CACNA2D3: variants seen among roughly 807,000 people sequenced by gnomAD.
CACNA2D3 encodes the protein calcium voltage-gated channel auxiliary subunit alpha2delta 3.
In CACNA2D3, 60 loss-of-function variants were observed where a neutral mutation model predicts 160.6. The ratio of observed to expected loss-of-function variants is 0.37; its 90% confidence interval spans 0.30 to 0.46. CACNA2D3 has a LOEUF of 0.46. Ranked by LOEUF, CACNA2D3 falls within the 20% of genes least tolerant of loss-of-function variation. CACNA2D3 has a pLI of 1.00. For synonymous variants in CACNA2D3, 558 were observed against 492.9 expected (o/e 1.13, Z -1.75); for missense variants, 1,205 against 1,365.0 (o/e 0.88, Z 1.85).
rs562837737 is a variant in CACNA2D3, at chr3:55,044,156, A to T, written c.2987+25839A>T. Among the ~76,000 whole-genome samples the T allele has an allele frequency of 3.3e-5, 5 of 152,194 alleles. No homozygotes were observed. The East Asian group carries it at 7.7e-4, about 24-fold the overall frequency. ...GAAATATTTTGAAAAGTCTGCTGGG[A>T]TTTTGTTTGAAACTGGGTTGATTAT... On this transcript the variant is annotated intron_variant, in intron 35 of 37. Transcript: ENST00000474759.
At chr3:54,741,456 C>G (rs978602752) in intron 11 of CACNA2D3, among the ~76,000 whole-genome samples, 1 of 152,088 alleles carries the variant, frequency 6.6e-6, no homozygotes, top group African/African-American at 2.4e-5. Flanking sequence ...GTGAGACTTA[C>G]AAAGATCAAG....
chr3:54,518,839 T>C (rs1407748447), intron 5 of CACNA2D3, among the ~76,000 whole-genome samples: 1 of 152,230 alleles, frequency 6.6e-6, no homozygotes, highest in Non-Finnish European at 1.5e-5. Context: ...TTTTTACTTA[T>C]ACAGGAAAAG....
intron 27 of CACNA2D3, among the ~76,000 whole-genome samples, chr3:54,927,525 C>T (rs1218986988): frequency 6.6e-6 from 1 of 152,144 alleles, no homozygotes; most frequent in Admixed American, 6.5e-5. Flanking sequence ...AACATGTTTG[C>T]CGCAGAATCC....
At chr3:54,386,582 A>G (rs750395237) in intron 3 of CACNA2D3, 133 bp from the exon 4 acceptor site, 2 of 707,300 alleles carry the variant, frequency 2.8e-6, no homozygotes, top group East Asian at 2.7e-5. Flanking sequence ...TTTCAGTTTC[A>G]TGGGAGCAAA....
intron 11 of CACNA2D3, among the ~76,000 whole-genome samples, chr3:54,708,607 G>C (rs1033189013): frequency 6.6e-6 from 1 of 152,154 alleles, no homozygotes; most frequent in Non-Finnish European, 1.5e-5. Flanking sequence ...GTATGCAGGA[G>C]GTAGAGAGTT....
intron 3 of CACNA2D3, among the ~76,000 whole-genome samples, chr3:54,347,086 G>C (rs1177566574): frequency 1.4e-4 from 21 of 152,176 alleles, no homozygotes; most frequent in Admixed American, 1.4e-3. Flanking sequence ...TTCATGGCAG[G>C]GGACACATTG....
chr3:54,679,774 T>A (rs545963952), intron 11 of CACNA2D3, among the ~76,000 whole-genome samples: 43 of 152,332 alleles, frequency 2.8e-4, no homozygotes, highest in African/African-American at 9.4e-4. Flanking sequence ...GAATATGGCG[T>A]CCAAAGGCAA....
Position 54,764,330 on chromosome 3 carries a change from C to G in CACNA2D3, c.1359C>G (p.Thr453=), listed in dbSNP as rs756288576. 1.9e-6 allele frequency: 3 copies of G among 1,613,706 alleles called. No homozygotes were observed. The South Asian group carries it at 3.3e-5, about 18-fold the overall frequency. The change falls in exon 13 of 38, where the codon ACC becomes ACG. Residue 453 remains threonine, a synonymous_variant. Coordinates refer to ENST00000474759, the MANE Select transcript of CACNA2D3 (RefSeq NM_018398.3). ...VIDQEHDVVW[T]EAYIDSTLPQ... Reference sequence around the variant, plus strand: ...ACCAGGAGCATGATGTGGTGTGGACCGAAGCTTACATTGACAGCACTGTGA... The same window carrying G: ...ACCAGGAGCATGATGTGGTGTGGACGGAAGCTTACATTGACAGCACTGTGA...
In CACNA2D3 at chr3:54,752,975, C is replaced by T. The variant is rs544624107; in HGVS notation, c.1246+298C>T. On this transcript the variant is annotated intron_variant, in intron 12 of 37. Coordinates refer to ENST00000474759, the MANE Select transcript of CACNA2D3 (RefSeq NM_018398.3). ...TCCCGAGTTCAAGCAGTTCTTGTGC[C>T]TCAGCCTCCCGAGTAGCTGAGATTA... Among the ~76,000 whole-genome samples the T allele has an allele frequency of 1.2e-3, 175 of 151,926 alleles. 1 individual carries two copies. Among genetic ancestry groups the T allele is most frequent in the Non-Finnish European group, 1.7e-3 (117 of 67,984 alleles).
intron 35 of CACNA2D3, among the ~76,000 whole-genome samples, chr3:55,054,471 C>A (rs1458754719): frequency 6.6e-6 from 1 of 151,480 alleles, no homozygotes; most frequent in Non-Finnish European, 1.5e-5. Context: ...ATATTTTATT[C>A]TTTCTGTTTT....
chr3:54,522,479 A>G (rs775111682), intron 5 of CACNA2D3, among the ~76,000 whole-genome samples: 2 of 152,162 alleles, frequency 1.3e-5, no homozygotes, highest in Non-Finnish European at 2.9e-5. Flanking sequence ...AATAGAGATA[A>G]TTTTACTTCT....
chr3:54,794,655 G>A (rs1350439010), intron 13 of CACNA2D3, among the ~76,000 whole-genome samples: 4 of 148,984 alleles, frequency 2.7e-5, no homozygotes, highest in African/African-American at 9.9e-5. Context: ...TTCTTTTAGA[G>A]TGTTATTTTC....
chr3:54,764,948 A>G (rs1451442394), intron 13 of CACNA2D3, among the ~76,000 whole-genome samples: 3 of 152,200 alleles, frequency 2.0e-5, no homozygotes, highest in African/African-American at 4.8e-5. Context: ...AGCTTTGCCA[A>G]TCATCAAGTA....
intron 2 of CACNA2D3, among the ~76,000 whole-genome samples, chr3:54,302,699 G>T (rs1321497187): frequency 6.6e-6 from 1 of 152,136 alleles, no homozygotes; most frequent in Non-Finnish European, 1.5e-5. Context: ...TGAGCTTCAA[G>T]ATGGGTTGAC....
At chr3:54,694,241 T>C (rs887269235) in intron 11 of CACNA2D3, among the ~76,000 whole-genome samples, 1 of 152,244 alleles carries the variant, frequency 6.6e-6, no homozygotes, top group African/African-American at 2.4e-5. Flanking sequence ...TTGCCTACAG[T>C]ATTCAGTAGT....
At chr3:54,308,753 C>T (rs992759136) in intron 2 of CACNA2D3, among the ~76,000 whole-genome samples, 1 of 152,030 alleles carries the variant, frequency 6.6e-6, no homozygotes, top group Non-Finnish European at 1.5e-5. Context: ...ATCTCCCTGA[C>T]CCAAATAGAA....
chr3:54,646,133 T>TC (rs1699634403), intron 11 of CACNA2D3, among the ~76,000 whole-genome samples: 1 of 25,752 alleles, frequency 3.9e-5, no homozygotes, highest in African/African-American at 6.9e-5. Context: ...CTTTCTTCCT[T>TC]CCTTCCTTCC....
chr3:54,798,390 G>A (rs1702914050), intron 13 of CACNA2D3, among the ~76,000 whole-genome samples: 1 of 152,030 alleles, frequency 6.6e-6, no homozygotes, highest in Non-Finnish European at 1.5e-5. Context: ...AAAAAAAATA[G>A]CCAGGCGCGT....
chr3:54,841,058 C>T (rs1174198807), intron 16 of CACNA2D3, among the ~76,000 whole-genome samples: 1 of 152,136 alleles, frequency 6.6e-6, no homozygotes, highest in Admixed American at 6.5e-5. Flanking sequence ...AACCACAATG[C>T]TACCAAGAAC....
Sources: allele counts gnomAD v4.1 joint callset (sites outside exome capture counted in the v4.1 genomes callset), GRCh38; gene constraint gnomAD v4.1.1; transcripts MANE v1.5; gene names NCBI Gene and HGNC (gene_info 2026-07-23, HGNC 2026-07-21).